The following TLE1 variants were observed in gnomAD, a reference collection of about 807,000 sequenced individuals.
TLE1 encodes the protein TLE family member 1, transcriptional corepressor, also known as transducin-like enhancer protein 1.
Under a neutral mutation model 89.8 loss-of-function variants are expected in TLE1, and 21 were observed. That is an observed-to-expected ratio of 0.23 (90% confidence interval 0.17 to 0.34). The LOEUF (loss-of-function observed/expected upper bound fraction) is 0.34. Among genes scored for constraint, TLE1 ranks in the 10% least tolerant of loss-of-function variants. The pLI, the probability that TLE1 is intolerant of heterozygous loss-of-function variation, is 1.00. For missense variants in TLE1, 795 were observed against 1,031.2 expected (o/e 0.77, Z 3.14); for synonymous variants, 447 against 407.6 (o/e 1.10, Z -1.16).
chr9:81,687,990 C>T (rs1333652384), intron 1 of TLE1, among the ~76,000 whole-genome samples: 1 of 152,102 alleles, frequency 6.6e-6, no homozygotes, highest in Non-Finnish European at 1.5e-5. Flanking sequence ...GCGCCCCTGT[C>T]CGCTCGGTAT....
intron 6 of TLE1, among the ~76,000 whole-genome samples, chr9:81,645,177 T>C (rs62576195): frequency 0.21 from 32,149 of 151,022 alleles, 3,941 homozygotes; most frequent in East Asian, 0.47. Flanking sequence ...CTGACCAACA[T>C]GGAGAAACCC....
At chr9:81,639,703 C>A (rs1350728877) in intron 6 of TLE1, among the ~76,000 whole-genome samples, 1 of 151,236 alleles carries the variant, frequency 6.6e-6, no homozygotes, top group Non-Finnish European at 1.5e-5. Flanking sequence ...TGTGCCTCAG[C>A]CTCCACAGTA....
At chr9:81,620,813 C>T (rs59790457) in intron 8 of TLE1, 207,134 of 1,221,638 alleles carry the variant, frequency 0.17, 19,667 homozygotes, top group African/African-American at 0.36. Context: ...GTGCTTCTGT[C>T]CTATTTACTG....
Position 81,616,787 on chromosome 9 carries a change from C to G in TLE1, c.712-88G>C, listed in dbSNP as rs1021308439. ...GATTTCTTTCTATAGTTCCTGGTAGCAGACAGACTAAAAAAACTACCTGGG... is the reference window on the plus strand; with the variant it reads ...GATTTCTTTCTATAGTTCCTGGTAGGAGACAGACTAAAAAAACTACCTGGG... On this transcript the variant is annotated intron_variant, in intron 9 of 19. Transcript: ENST00000376499. The G allele has an allele frequency of 7.3e-6, 11 of 1,509,580 alleles. No homozygotes were observed. In the Admixed American group the frequency reaches 1.4e-4, roughly 20 times the overall value. 93.5% of individuals were successfully genotyped at this position (1,509,580 alleles called of 1,614,324 possible).
intron 14 of TLE1, among the ~76,000 whole-genome samples, chr9:81,598,942 G>A (rs1041630161): frequency 6.6e-6 from 1 of 152,188 alleles, no homozygotes; most frequent in Non-Finnish European, 1.5e-5. Context: ...GACCCACACA[G>A]TCAAGTGCAA....
intron 6 of TLE1, among the ~76,000 whole-genome samples, chr9:81,645,788 G>C (rs941250993): frequency 1.3e-5 from 2 of 151,958 alleles, no homozygotes; most frequent in Admixed American, 6.6e-5. Context: ...ATGCTTGAGG[G>C]GATAGATACC....
intron 12 of TLE1, chr9:81,612,225 G>C: frequency 1.1e-6 from 1 of 909,518 alleles, no homozygotes; most frequent in Non-Finnish European, 1.4e-6. Context: ...AGGAAGCCAG[G>C]GGAATTAAGA....
chr9:81,584,970 CCATCCATCCATCCAT>C (rs1462309463), intron 18 of TLE1, among the ~76,000 whole-genome samples: 4 of 148,454 alleles, frequency 2.7e-5, no homozygotes, highest in Non-Finnish European at 5.9e-5. Flanking sequence ...ATCCACCCAT[CCATCCATCCATCCAT>C]CCATCCATCC....
intron 8 of TLE1, among the ~76,000 whole-genome samples, chr9:81,632,475 C>CTT (rs11376391): frequency 0.093 from 7,420 of 79,394 alleles, 253 homozygotes; most frequent in South Asian, 0.15. Context: ...TTCAGTATCC[C>CTT]TTTTTTTTTT....
intron 2 of TLE1, 39 bp from the exon 3 acceptor site, chr9:81,685,935 G>A (rs1181022433): frequency 5.6e-6 from 9 of 1,606,614 alleles, no homozygotes; most frequent in African/African-American, 1.3e-5. Context: ...TAAACATTAT[G>A]TCACTTGTTT....
chr9:81,606,786 ACCAT>A (rs1563958546), intron 14 of TLE1, among the ~76,000 whole-genome samples: 4 of 142,762 alleles, frequency 2.8e-5, no homozygotes, highest in East Asian at 2.1e-4. Flanking sequence ...TAAAAAAAAA[ACCAT>A]ATATATATAT....
At chr9:81,599,361 A>G (rs558124984) in intron 14 of TLE1, among the ~76,000 whole-genome samples, 195 of 152,208 alleles carry the variant, frequency 1.3e-3, no homozygotes, top group African/African-American at 4.5e-3. Flanking sequence ...TTATCCCCTC[A>G]AGAGGGATAA....
chr9:81,654,183 TTA>T, intron 4 of TLE1, 147 bp from the exon 5 acceptor site: 1 of 661,888 alleles, frequency 1.5e-6, no homozygotes, highest in Non-Finnish European at 2.6e-6. Flanking sequence ...TTACTAATAC[TTA>T]TCTTGAAATA....
At chr9:81,686,520 A>C (rs1834301738) in intron 2 of TLE1, among the ~76,000 whole-genome samples, 1 of 152,226 alleles carries the variant, frequency 6.6e-6, no homozygotes, top group Non-Finnish European at 1.5e-5. Flanking sequence ...CCCCTGACAA[A>C]GTAAGAAAAT....
chr9:81,620,854 G>A, intron 8 of TLE1: 1 of 876,406 alleles, frequency 1.1e-6, no homozygotes, highest in Non-Finnish European at 1.7e-6. Context: ...TGTGTTGTAT[G>A]TGGATGTGTT....
intron 4 of TLE1, among the ~76,000 whole-genome samples, chr9:81,672,284 G>C (rs1254449124): frequency 6.6e-6 from 1 of 151,966 alleles, no homozygotes; most frequent in Admixed American, 6.6e-5. Flanking sequence ...CTTCCAGTTT[G>C]ACCAATCCCA....
chr9:81,664,671 T>C (rs1831231659), intron 4 of TLE1, among the ~76,000 whole-genome samples: 1 of 151,854 alleles, frequency 6.6e-6, no homozygotes, highest in Non-Finnish European at 1.5e-5. Context: ...GAAACCAGCC[T>C]GGGCAACATA....
intron 14 of TLE1, among the ~76,000 whole-genome samples, chr9:81,604,977 ACTTTT>A (rs1260945176): frequency 1.3e-5 from 2 of 152,128 alleles, no homozygotes; most frequent in African/African-American, 4.8e-5. Context: ...CAGGATATTT[ACTTTT>A]CTTTTAATGA....
chr9:81,671,776 TAC>T (rs1207248299), intron 4 of TLE1, among the ~76,000 whole-genome samples: 2 of 152,196 alleles, frequency 1.3e-5, no homozygotes, highest in East Asian at 3.8e-4. Flanking sequence ...GATTATAAAA[TAC>T]AGATTTCTTA....
Sources: gnomAD v4.1 joint callset for allele counts (sites outside exome capture counted in the v4.1 genomes callset) on GRCh38, gnomAD v4.1.1 for gene constraint, MANE v1.5 for transcripts, NCBI Gene and HGNC (gene_info 2026-07-23, HGNC 2026-07-21) for gene names.